STAT4: variants seen among roughly 807,000 people sequenced by gnomAD.
STAT4 encodes the protein signal transducer and activator of transcription 4.
STAT4 carries 42 observed loss-of-function variants against 110.5 expected under a neutral mutation model. That is an observed-to-expected ratio of 0.38 (90% CI 0.30 to 0.49). The LOEUF (loss-of-function observed/expected upper bound fraction) is 0.49. Ranked by LOEUF, STAT4 falls within the 20% of genes least tolerant of loss-of-function variation. The pLI, the probability that STAT4 is intolerant of heterozygous loss-of-function variation, is 0.95. For missense variants in STAT4, 632 were observed against 887.9 expected, an observed-to-expected ratio of 0.71 and a Z score of 3.66; for synonymous variants, 284 against 302.2, an observed-to-expected ratio of 0.94 and a Z score of 0.63.
rs892472795 is a variant in STAT4, at chr2:191,051,720, C to T, written c.1251+2770G>A. ...GGGGCAGTAGGAGTGCCAACCAGCT[C>T]GCCTCTCCCAGGGAAGGTTCTGCGA... On this transcript the variant is annotated intron_variant, in intron 14 of 23. Transcript: ENST00000392320. This position sits in a 1 kb window ranked among gnomAD's most constrained non-coding sequence, Gnocchi z 5.6. Among the ~76,000 whole-genome samples, 1 of 152,092 alleles carries T rather than the reference C, an allele frequency of 6.6e-6. No homozygotes were observed. The highest frequency in any genetic ancestry group is 2.4e-5 in the African/African-American group (1 of 41,408).
rs544456306 is a variant in STAT4, at chr2:191,083,646, C to T, written c.274-7321G>A. Among the ~76,000 whole-genome samples the T allele has an allele frequency of 5.3e-5, 8 of 152,268 alleles. No homozygotes were observed. The East Asian group carries it at 1.5e-3, about 29-fold the overall frequency. ...TTACAGAGTAAAATATTTTCATTCA[C>T]ATTTTTGAATTAGAAATGTGCAACC... On this transcript the variant is annotated intron_variant, in intron 3 of 23. Transcript: ENST00000392320. This position sits in a 1 kb window ranked among gnomAD's most constrained non-coding sequence, Gnocchi z 4.6.
At chr2:191,067,296 C>T (rs1038780994) in intron 6 of STAT4, among the ~76,000 whole-genome samples, 1 of 152,102 alleles carries the variant, frequency 6.6e-6, no homozygotes, top group Admixed American at 6.6e-5. Flanking sequence ...CAAGGTCTCT[C>T]TCAATCTTTC....
intron 17 of STAT4, 126 bp from the exon 18 acceptor site, chr2:191,034,723 G>A (rs1267347655): frequency 1.4e-6 from 1 of 713,212 alleles, no homozygotes; most frequent in African/African-American, 1.8e-5. Context: ...GGTTTGCAAT[G>A]TACTGAGTGC....
chr2:191,151,488 C>G, upstream of STAT4: 4 of 985,552 alleles, frequency 4.1e-6, no homozygotes, highest in Non-Finnish European at 4.8e-6. The surrounding 1 kb of genome is among the most constrained non-coding windows in gnomAD (Gnocchi z 4.7). Context: ...CCGCTCACTC[C>G]GACGAGGGTG....
intron 3 of STAT4, among the ~76,000 whole-genome samples, chr2:191,101,193 A>T (rs1698140639): frequency 6.6e-6 from 1 of 152,188 alleles, no homozygotes; most frequent in African/African-American, 2.4e-5. Flanking sequence ...AAAATCCCTA[A>T]GATTGATAAA....
chr2:191,067,043 TC>T (rs1247724151), intron 6 of STAT4, among the ~76,000 whole-genome samples: 4 of 150,264 alleles, frequency 2.7e-5, no homozygotes, highest in Non-Finnish European at 5.9e-5. Flanking sequence ...TTCTTTACTT[TC>T]CCCCACTTTT....
At chr2:191,065,795 A>T (rs931668950) in intron 7 of STAT4, among the ~76,000 whole-genome samples, 41 of 152,204 alleles carry the variant, frequency 2.7e-4, no homozygotes, top group Admixed American at 1.5e-3. Flanking sequence ...GAACTTTTAG[A>T]AATGAACTAC....
At chr2:191,102,463 C>G (rs1421116800) in intron 3 of STAT4, among the ~76,000 whole-genome samples, 1 of 152,102 alleles carries the variant, frequency 6.6e-6, no homozygotes, top group African/African-American at 2.4e-5. Flanking sequence ...CCCAGTGGTT[C>G]ACAACCTTGT....
At chr2:191,088,760 G>C (rs1379765058) in intron 3 of STAT4, among the ~76,000 whole-genome samples, 2 of 152,162 alleles carry the variant, frequency 1.3e-5, no homozygotes, top group Non-Finnish European at 2.9e-5. Context: ...AGACAGTTCT[G>C]AAATGGATCC....
At chr2:191,065,350 A>G (rs1696959752) in intron 7 of STAT4, among the ~76,000 whole-genome samples, 1 of 152,086 alleles carries the variant, frequency 6.6e-6, no homozygotes, top group South Asian at 2.1e-4. Context: ...CTAAAATTTG[A>G]GCCTTTCTGT....
At chr2:191,040,345 T>C (rs960288991) in intron 15 of STAT4, among the ~76,000 whole-genome samples, 3 of 152,092 alleles carry the variant, frequency 2.0e-5, no homozygotes, top group African/African-American at 7.2e-5. Context: ...TGAGTTTTTA[T>C]GTAAAGTTAA....
At chr2:191,148,261 T>C (rs1699506295) in intron 1 of STAT4, 57 bp from the exon 2 acceptor site, 1 of 1,561,802 alleles carries the variant, frequency 6.4e-7, no homozygotes, top group Non-Finnish European at 8.7e-7. Flanking sequence ...CCCTAGTACA[T>C]ATTTTCTTCT....
In STAT4 at chr2:191,039,900, T is replaced by C. The variant is rs1161391598; in HGVS notation, c.1336-603A>G. ...TTTACAAATTAGCTTGGGAAACTAA[T>C]CAACTTACAGTACTCTTTTCCCAAT... On this transcript the variant is annotated intron_variant, in intron 15 of 23. Transcript: ENST00000392320. This position sits in a 1 kb window ranked among gnomAD's most constrained non-coding sequence, Gnocchi z 4.7. Among the ~76,000 whole-genome samples the C allele has an allele frequency of 1.3e-5, 2 of 152,212 alleles. No individual in the cohort carries two copies. Among genetic ancestry groups the C allele is most frequent in the African/African-American group, 2.4e-5 (1 of 41,446 alleles).
chr2:191,122,335 A>T (rs930975921), intron 3 of STAT4, among the ~76,000 whole-genome samples: 1 of 152,112 alleles, frequency 6.6e-6, no homozygotes, highest in Non-Finnish European at 1.5e-5. Flanking sequence ...ATGAAAAAAA[A>T]AAAAAAGACT....
At chr2:191,093,727 C>A (rs374300228) in intron 3 of STAT4, among the ~76,000 whole-genome samples, 1 of 152,032 alleles carries the variant, frequency 6.6e-6, no homozygotes, top group Admixed American at 6.5e-5. Context: ...CAAAGCTGGA[C>A]GGAGAAATGA....
In STAT4 at chr2:191,033,267, C is replaced by T. The variant is rs991952914; in HGVS notation, c.1853-118G>A. ...AGTGACTTGTCAGTTCATGTCACTTCAATGTCAGACCTTCTGCTGTCTGGA... is the reference window on the plus strand; with the variant it reads ...AGTGACTTGTCAGTTCATGTCACTTTAATGTCAGACCTTCTGCTGTCTGGA... On this transcript the variant is annotated intron_variant, in intron 20 of 23. Coordinates refer to ENST00000392320, the MANE Select transcript of STAT4 (RefSeq NM_003151.4). The surrounding 1 kb of genome is among the most constrained non-coding windows in gnomAD (Gnocchi z 6.9). The T allele has an allele frequency of 1.0e-5, 12 of 1,197,504 alleles. No homozygotes were observed. The highest frequency in any genetic ancestry group is 1.6e-5 in the South Asian group (1 of 64,192). The allele number at this position is 1,197,504 out of a possible 1,614,324, so 74.2% of individuals were successfully genotyped here.
chr2:191,048,943 A>G (rs1356260124), intron 14 of STAT4, among the ~76,000 whole-genome samples: 1 of 151,972 alleles, frequency 6.6e-6, no homozygotes, highest in Non-Finnish European at 1.5e-5. Flanking sequence ...TGAATATAAT[A>G]GCTGGATTGA....
intron 8 of STAT4, 57 bp downstream of exon 8, chr2:191,064,750 A>G (rs952873279): frequency 3.2e-5 from 51 of 1,572,748 alleles, no homozygotes; most frequent in Non-Finnish European, 4.0e-5. Context: ...GCTGAGTGAC[A>G]CTGAAGTTTT....
At chr2:191,106,807 A>T (rs1006546886) in intron 3 of STAT4, among the ~76,000 whole-genome samples, 1 of 152,218 alleles carries the variant, frequency 6.6e-6, no homozygotes, top group African/African-American at 2.4e-5. Context: ...AAGACTGCAC[A>T]ATCCTGTAAA....
Sources: allele counts gnomAD v4.1 joint callset (sites outside exome capture counted in the v4.1 genomes callset), GRCh38; gene constraint gnomAD v4.1.1; non-coding constraint Gnocchi (gnomAD v3.1); transcripts MANE v1.5; gene names NCBI Gene and HGNC (gene_info 2026-07-23, HGNC 2026-07-21).